Variants in SLIT3 observed in about 807,000 individuals in gnomAD.
SLIT3 encodes the protein slit guidance ligand 3, also known as slit homolog 3 protein.
In SLIT3, 68 loss-of-function variants were observed where a neutral mutation model predicts 184.0. That is an observed-to-expected ratio of 0.37 (90% confidence interval 0.30 to 0.45). The LOEUF (loss-of-function observed/expected upper bound fraction) is 0.45. Ranked by LOEUF, SLIT3 falls within the 20% of genes least tolerant of loss-of-function variation. The pLI is 1.00. For synonymous variants in SLIT3, 831 were observed against 828.6 expected, an observed-to-expected ratio of 1.00 and a Z score of -0.05; for missense variants, 1,707 against 2,026.0, an observed-to-expected ratio of 0.84 and a Z score of 3.02.
At position 168,795,598 on chromosome 5, in the gene SLIT3, AGAGT is replaced by A; in HGVS notation, c.936-24_936-21del. On this transcript the variant is annotated intron_variant, in intron 9 of 35. Coordinates refer to ENST00000519560, the MANE Select transcript of SLIT3 (RefSeq NM_003062.4). Reference sequence around the variant, plus strand: ...AGGCGTCTGGGAAACAGAGCAGAGAAGAGTGAATTAACCATCCACCTGTCAACAA... The same window carrying A: ...AGGCGTCTGGGAAACAGAGCAGAGAAGAATTAACCATCCACCTGTCAACAA... 1.3e-6 allele frequency: 2 copies of A among 1,599,670 alleles called. No homozygotes were observed. The highest frequency in any genetic ancestry group is 3.3e-4 in the Middle Eastern group (2 of 6,048).
rs1754767715 is a variant in SLIT3 at position 168,752,979 on chromosome 5, G to C, written c.1949C>G (p.Thr650Ser). The C allele has an allele frequency of 1.4e-5, 22 of 1,614,116 alleles. No homozygotes were observed. In the Admixed American group the frequency reaches 3.5e-4, roughly 26 times the overall value. The change falls in exon 18 of 36, where the codon ACC becomes AGC. Residue 650 changes from threonine to serine, a missense_variant. Thr to Ser is a moderately conservative substitution (Grantham distance 58). Around this residue, in one of 3 missense-constraint regions of SLIT3, gnomAD observed 1,307 missense variants for 1,511.6 expected, o/e 0.86. Transcript: ENST00000519560. ...RITTITPGAF[T>S]TLVSLSTINL... ...CATGGTGGACAGGGAGACAAGCGTG[G>C]TGAAGGCCCCAGGGGTGATGGTGGT...
chr5:168,876,158 C>G (rs1455931707), intron 5 of SLIT3, among the ~76,000 whole-genome samples: 2 of 152,148 alleles, frequency 1.3e-5, no homozygotes, highest in South Asian at 2.1e-4. Context: ...TCAGTTCCCC[C>G]ACCCAGCTAG....
intron 4 of SLIT3, among the ~76,000 whole-genome samples, chr5:169,139,899 C>T (rs909592659): frequency 6.6e-6 from 1 of 152,168 alleles, no homozygotes; most frequent in Admixed American, 6.5e-5. Flanking sequence ...GTGCCAGATA[C>T]CCTCGCGAGC....
intron 4 of SLIT3, among the ~76,000 whole-genome samples, chr5:168,932,872 T>C (rs975088904): frequency 6.6e-6 from 1 of 152,184 alleles, no homozygotes; most frequent in African/African-American, 2.4e-5. Flanking sequence ...ACAACATGCA[T>C]AACCTTGTGT....
chr5:168,737,148 T>C (rs1763464531), intron 20 of SLIT3, among the ~76,000 whole-genome samples: 1 of 152,090 alleles, frequency 6.6e-6, no homozygotes, highest in South Asian at 2.1e-4. Flanking sequence ...AGAGCACATA[T>C]TGCCTGAGCC....
chr5:168,771,009 A>C (rs537388909), intron 14 of SLIT3, among the ~76,000 whole-genome samples: 1 of 151,692 alleles, frequency 6.6e-6, no homozygotes, highest in Non-Finnish European at 1.5e-5. Flanking sequence ...CAGGGCCGCC[A>C]CATCCATTTG....
intron 4 of SLIT3, among the ~76,000 whole-genome samples, chr5:169,068,866 T>C (rs1440075535): frequency 6.6e-6 from 1 of 152,204 alleles, no homozygotes; most frequent in South Asian, 2.1e-4. Flanking sequence ...AGAATCCTTT[T>C]ATTATGATCC....
chr5:168,930,338 C>T (rs1446412829), intron 4 of SLIT3, among the ~76,000 whole-genome samples: 1 of 152,078 alleles, frequency 6.6e-6, no homozygotes, highest in African/African-American at 2.4e-5. Context: ...ACAAGCTTGC[C>T]AGAGAAAAAG....
chr5:169,158,928 G>A (rs894483399), intron 4 of SLIT3, among the ~76,000 whole-genome samples: 4 of 152,160 alleles, frequency 2.6e-5, no homozygotes, highest in African/African-American at 9.7e-5. Flanking sequence ...AAAATAAAAT[G>A]GCAGACTTGG....
intron 21 of SLIT3, among the ~76,000 whole-genome samples, 173 bp from the exon 22 acceptor site, chr5:168,723,177 A>G (rs1762999538): frequency 6.6e-6 from 1 of 151,798 alleles, no homozygotes; most frequent in South Asian, 2.1e-4. Context: ...TGGCCTGTTT[A>G]TCTACTCTCC....
intron 6 of SLIT3, among the ~76,000 whole-genome samples, chr5:168,824,817 C>T (rs1474579092): frequency 6.6e-6 from 1 of 152,196 alleles, no homozygotes; most frequent in East Asian, 1.9e-4. Context: ...TCCATGGGTC[C>T]CTACTGGCCC....
chr5:168,825,685 G>A (rs1323565515), intron 6 of SLIT3, among the ~76,000 whole-genome samples: 1 of 152,208 alleles, frequency 6.6e-6, no homozygotes, highest in African/African-American at 2.4e-5. Context: ...GAGATGCTCA[G>A]TGGGGGATAA....
Position 168,669,970 on chromosome 5 carries a change from C to T in SLIT3, c.4149G>A (p.Val1383=), listed in dbSNP as rs770559677. 4.3e-6 allele frequency: 7 copies of T among 1,614,032 alleles called. No homozygotes were observed. The highest frequency in any genetic ancestry group is 8.5e-7 in the Non-Finnish European group (1 of 1,180,034). ...LGHRCHHGKC[V]ATGTSYMCKC... is the part of the protein sequence containing the mutation. ...TGCACATGTATGAGGTCCCAGTTGC[C>T]ACACATTTTCCATGGTGGCATCTAG... Residue 1383 remains valine (V), a synonymous_variant, in exon 35 of 36, where the codon GTG becomes GTA. Coordinates refer to ENST00000519560, the MANE Select transcript of SLIT3 (RefSeq NM_003062.4).
At chr5:169,134,313 C>G (rs367983815) in intron 4 of SLIT3, among the ~76,000 whole-genome samples, 2 of 152,216 alleles carry the variant, frequency 1.3e-5, no homozygotes, top group African/African-American at 4.8e-5. Flanking sequence ...TTTGCAACCA[C>G]CTGGGGCCTC....
rs187453121 is a variant in SLIT3, at chr5:168,919,222, T to C, written c.414-35886A>G. On this transcript the variant is annotated intron_variant, in intron 4 of 35. Coordinates refer to ENST00000519560, the MANE Select transcript of SLIT3 (RefSeq NM_003062.4). ...TTGCAGTGAGCCGAGATCGCGCCAC[T>C]GCACTCCAGCCTGGGGGACACAGCG... Among the ~76,000 whole-genome samples, 866 of 146,448 alleles carry C rather than the reference T, an allele frequency of 5.9e-3. 10 individuals are homozygous for C. The highest frequency in any genetic ancestry group is 0.021 in the African/African-American group (832 of 39,328).
At chr5:169,159,509 C>T (rs549658979) in intron 4 of SLIT3, among the ~76,000 whole-genome samples, 2 of 138,556 alleles carry the variant, frequency 1.4e-5, no homozygotes, top group East Asian at 4.8e-4. Context: ...GGCGCGGTAG[C>T]TCACGCCTGT....
At chr5:168,680,830 C>G (rs1761567421) in intron 32 of SLIT3, among the ~76,000 whole-genome samples, 1 of 152,084 alleles carries the variant, frequency 6.6e-6, no homozygotes, top group African/African-American at 2.4e-5. Context: ...CAAACACCAC[C>G]TCCTCCTCCA....
chr5:169,163,961 A>C (rs1369873385), intron 4 of SLIT3, among the ~76,000 whole-genome samples: 1 of 152,212 alleles, frequency 6.6e-6, no homozygotes, highest in East Asian at 1.9e-4. Context: ...TCCATGGGGC[A>C]GAGGGCAGAG....
At chr5:168,956,557 A>G (rs2113264536) in intron 4 of SLIT3, among the ~76,000 whole-genome samples, 1 of 152,318 alleles carries the variant, frequency 6.6e-6, no homozygotes, top group Non-Finnish European at 1.5e-5. Flanking sequence ...GCACATTGGG[A>G]GGCCAAGGCG....
Sources: allele counts gnomAD v4.1 joint callset (sites outside exome capture counted in the v4.1 genomes callset), GRCh38; gene constraint gnomAD v4.1.1; regional missense constraint gnomAD v4.1.1; transcripts MANE v1.5; gene names NCBI Gene and HGNC (gene_info 2026-07-23, HGNC 2026-07-21).